Variants in NRG1 observed in about 807,000 individuals in gnomAD.
The protein encoded by NRG1 is pro-neuregulin-1, membrane-bound isoform.
NRG1 carries 18 observed loss-of-function variants against 63.8 expected under a neutral mutation model. That is an observed-to-expected ratio of 0.28 (90% CI 0.19 to 0.42). The LOEUF is 0.42. NRG1 is among the 10% of genes least tolerant of loss of function. The pLI is 1.00. For synonymous variants in NRG1, 302 were observed against 301.3 expected, an observed-to-expected ratio of 1.00 and a Z score of -0.02; for missense variants, 762 against 814.7, an observed-to-expected ratio of 0.94 and a Z score of 0.79.
At chr8:32,548,910 C>G in intron 1 of NRG1, 84 bp downstream of exon 1, 1 of 1,445,848 alleles carries the variant, frequency 6.9e-7, no homozygotes, top group South Asian at 1.4e-5. Context: ...GTGGCCTCTC[C>G]CTCCCCCTCT....
At chr8:31,757,891 C>T (rs142313735) in intron 1 of NRG1, among the ~76,000 whole-genome samples, 1 of 152,080 alleles carries the variant, frequency 6.6e-6, no homozygotes, top group African/African-American at 2.4e-5. Flanking sequence ...TTTCTTTATG[C>T]ACCTTCCCAT....
intron 1 of NRG1, among the ~76,000 whole-genome samples, chr8:32,092,393 G>C (rs559658304): frequency 6.8e-6 from 1 of 147,328 alleles, no homozygotes; most frequent in South Asian, 2.1e-4. Flanking sequence ...AGAGTTTAAG[G>C]CTGCAGTAAA....
intron 1 of NRG1, among the ~76,000 whole-genome samples, chr8:32,041,892 G>A (rs929333235): frequency 1.3e-5 from 2 of 152,130 alleles, no homozygotes; most frequent in Non-Finnish European, 2.9e-5. Flanking sequence ...AATCCAAATT[G>A]TACATGAATA....
At chr8:32,505,081 A>AT (rs1465611768) in intron 1 of NRG1, among the ~76,000 whole-genome samples, 3 of 152,084 alleles carry the variant, frequency 2.0e-5, no homozygotes, top group Non-Finnish European at 2.9e-5. Context: ...GTTTTCGGGC[A>AT]TTTTTGTCTG....
At chr8:32,577,139 A>G (rs893625964) in intron 1 of NRG1, among the ~76,000 whole-genome samples, 1 of 152,196 alleles carries the variant, frequency 6.6e-6, no homozygotes, top group Non-Finnish European at 1.5e-5. Context: ...CTGTTGCTAC[A>G]CAGGATGCAG....
rs534357587 is a variant in NRG1, at chr8:32,035,995, A to G, written c.37+396564A>G. ...ATTATGATGCTAGCTGGTTATTTGCAGACTTTTTTGATGAAGTTGCTTCAT... is the reference window on the plus strand; with the variant it reads ...ATTATGATGCTAGCTGGTTATTTGCGGACTTTTTTGATGAAGTTGCTTCAT... On this transcript the variant is annotated intron_variant, in intron 1 of 10. Transcript: ENST00000519301. Among the ~76,000 whole-genome samples the G allele has an allele frequency of 2.0e-5, 3 of 152,204 alleles. No homozygotes were observed. The South Asian group carries it at 6.2e-4, about 32-fold the overall frequency.
intron 1 of NRG1, among the ~76,000 whole-genome samples, chr8:32,191,522 C>G (rs1324276954): frequency 6.6e-6 from 1 of 152,196 alleles, no homozygotes; most frequent in Non-Finnish European, 1.5e-5. Flanking sequence ...GAAACATCAT[C>G]ATAGGCATAT....
rs368653087 is a variant in NRG1 at position 32,444,106 on chromosome 8, TTCTG to T, written c.38-151702_38-151699del. 9.0e-3 allele frequency among the ~76,000 whole-genome samples: 1,343 copies of T among 149,416 alleles called. 25 individuals carry two copies. Among genetic ancestry groups the T allele is most frequent in the African/African-American group, 0.031 (1,263 of 40,358 alleles). On this transcript the variant is annotated intron_variant, in intron 1 of 10. Coordinates refer to the NRG1 transcript ENST00000519301. ...CCCTCCCTCTCTCTTTCCTCTTTCT[TTCTG>T]TCTGTCTGTCTGTCTGTCTTTTTCT...
At chr8:31,916,945 C>G (rs1265318638) in intron 1 of NRG1, among the ~76,000 whole-genome samples, 2 of 152,044 alleles carry the variant, frequency 1.3e-5, no homozygotes, top group East Asian at 1.9e-4. Context: ...TTGCATTTCT[C>G]TGATGGCCAG....
At chr8:32,147,833 T>A (rs979097038) in intron 1 of NRG1, among the ~76,000 whole-genome samples, 2 of 152,226 alleles carry the variant, frequency 1.3e-5, no homozygotes, top group African/African-American at 4.8e-5. Context: ...GGTGGTTTCC[T>A]CTTCTGTGGT....
At chr8:32,057,210 T>C (rs1367119519) in intron 1 of NRG1, among the ~76,000 whole-genome samples, 1 of 152,198 alleles carries the variant, frequency 6.6e-6, no homozygotes, top group Non-Finnish European at 1.5e-5. Context: ...AATAGATCTC[T>C]TTATAGACAT....
chr8:32,308,427 A>AT (rs1348671509), intron 1 of NRG1, among the ~76,000 whole-genome samples: 1 of 152,192 alleles, frequency 6.6e-6, no homozygotes, highest in Non-Finnish European at 1.5e-5. Context: ...CCAGATATTG[A>AT]TTATTCATAC....
chr8:31,717,385 C>T (rs11777829), intron 1 of NRG1, among the ~76,000 whole-genome samples: 30,487 of 143,284 alleles, frequency 0.21, 3,587 homozygotes, highest in Middle Eastern at 0.26. Context: ...CCAGCCTGGG[C>T]GACAGAATGA....
intron 1 of NRG1, among the ~76,000 whole-genome samples, chr8:32,374,232 G>A (rs930272198): frequency 2.6e-5 from 4 of 152,176 alleles, no homozygotes; most frequent in African/African-American, 7.2e-5. Flanking sequence ...TAGAGGTGCT[G>A]TCATTTTCCA....
chr8:32,170,536 T>A (rs16878927), intron 1 of NRG1, among the ~76,000 whole-genome samples: 3 of 152,200 alleles, frequency 2.0e-5, no homozygotes, highest in Admixed American at 2.0e-4. Context: ...GAATTAGCCC[T>A]GACTCTAGAG....
chr8:32,544,338 T>C (rs1344410876), upstream of NRG1, among the ~76,000 whole-genome samples: 3 of 152,154 alleles, frequency 2.0e-5, no homozygotes, highest in Admixed American at 6.5e-5. Flanking sequence ...ATGAGCTTCA[T>C]TTCCAGAAAA....
intron 1 of NRG1, among the ~76,000 whole-genome samples, chr8:32,276,170 A>G (rs545595366): frequency 3.3e-5 from 5 of 152,130 alleles, no homozygotes; most frequent in Non-Finnish European, 5.9e-5. Flanking sequence ...CTTTGTATCT[A>G]TTAACCAAAC....
At chr8:31,917,069 A>G (rs1833458282) in intron 1 of NRG1, among the ~76,000 whole-genome samples, 1 of 148,398 alleles carries the variant, frequency 6.7e-6, no homozygotes, top group African/African-American at 2.5e-5. Context: ...TTTTTCTTGT[A>G]AATTTATTTG....
chr8:32,590,085 A>T (rs1038301002), intron 1 of NRG1, among the ~76,000 whole-genome samples: 1 of 152,190 alleles, frequency 6.6e-6, no homozygotes, highest in Non-Finnish European at 1.5e-5. Flanking sequence ...TATATTTGTG[A>T]TCTTTTAAGA....
Sources: allele counts gnomAD v4.1 joint callset (sites outside exome capture counted in the v4.1 genomes callset), GRCh38; gene constraint gnomAD v4.1.1; transcripts MANE v1.5; gene names NCBI Gene and HGNC (gene_info 2026-07-23, HGNC 2026-07-21).